The following ECHDC2 variants were observed in gnomAD, a reference collection of about 807,000 sequenced individuals.
ECHDC2 encodes enoyl-CoA hydratase domain containing 2.
A neutral mutation model predicts 40.6 loss-of-function variants in ECHDC2; 34 were observed. That is an observed-to-expected ratio of 0.84 (90% confidence interval 0.64 to 1.11). The LOEUF (loss-of-function observed/expected upper bound fraction) is 1.11, where lower values mean the gene tolerates loss of function less well. ECHDC2 is among the 50% of genes most tolerant of loss of function. The probability of loss-of-function intolerance (pLI) is 0.00; values close to 1 mark genes in which losing one functional copy is unlikely to be tolerated. For missense variants in ECHDC2, 392 were observed against 400.7 expected, an observed-to-expected ratio of 0.98 and a Z score of 0.19; for synonymous variants, 162 against 166.6, an observed-to-expected ratio of 0.97 and a Z score of 0.21.
rs549979168 is a variant in ECHDC2 at position 52,917,179 on chromosome 1, G to A, written c.121+4374C>T. Among the ~76,000 whole-genome samples, 10 of 150,398 alleles carry A rather than the reference G, an allele frequency of 6.6e-5. No homozygotes were observed. The South Asian group carries it at 8.4e-4, about 13-fold the overall frequency. On this transcript the variant is annotated intron_variant, in intron 1 of 9. Coordinates refer to ENST00000371522, the MANE Select transcript of ECHDC2 (RefSeq NM_001198961.2). ...AGAGGCTGCAGTGGGCCGAGATCAC[G>A]CCACTGCACTCCGGCCTGGGCAACA... is the stretch of plus-strand genomic sequence containing the variant.
chr1:52,906,230 T>C (rs867938262), intron 5 of ECHDC2: 19 of 461,892 alleles, frequency 4.1e-5, no homozygotes, highest in Middle Eastern at 1.2e-3. Context: ...GACTGGACAT[T>C]GCTCTTTGAC....
chr1:52,911,826 G>A lies in ECHDC2; in HGVS notation c.122-36C>T, dbSNP rs200923624. ...TCAGGGCAGCCACGGGAAAGCAGCT[G>A]GCTCTGCCTAATCCTGGGCTGCGGG... On this transcript the variant is annotated intron_variant, in intron 1 of 9. Transcript: ENST00000371522. 4.3e-6 allele frequency: 7 copies of A among 1,612,166 alleles called. No individual in the cohort carries two copies. In the African/African-American group the frequency reaches 6.7e-5, roughly 15 times the overall value.
chr1:52,911,601 A>G lies in ECHDC2; in HGVS notation c.242T>C (p.Leu81Pro), dbSNP rs1339805522. 1 of 1,614,006 alleles carries G rather than the reference A, an allele frequency of 6.2e-7. No homozygotes were observed. The highest frequency in any genetic ancestry group is 1.7e-5 in the Admixed American group (1 of 60,008). ...LREDRQVRVL[L>P]FRSGVKGVFC... ...CACGCCCTTCACTCCACTTCTGAAG[A>G]GCAGGACACGCACTTGCCGGTCCTC... The change falls in exon 3 of 10, where the codon CTC (leucine) becomes CCC (proline). Residue 81 changes from leucine to proline, a missense_variant. Transcript: ENST00000371522.
chr1:52,915,031 C>A (rs183976804), intron 1 of ECHDC2: 3 of 343,558 alleles, frequency 8.7e-6, no homozygotes, highest in Non-Finnish European at 1.2e-5. Flanking sequence ...ACCATAAGGC[C>A]CCCCCAATCT....
Position 52,921,622 on chromosome 1 carries a change from C to G in ECHDC2, c.52G>C (p.Gly18Arg). 2 of 1,597,106 alleles carry G rather than the reference C, an allele frequency of 1.3e-6. No homozygotes were observed. Among genetic ancestry groups the G allele is most frequent in the Non-Finnish European group, 1.7e-6 (2 of 1,172,708 alleles). ...CCGGCCGCCCCGTCGGAAGCGCAGC[C>G]GCGGGCCCGAAGGGGCCTCCAGGGG... is the stretch of plus-strand genomic sequence containing the variant. ...LRPWRPLRAR[G>R]CASDGAAGGS... The change falls in exon 1 of 10, where the codon GGC becomes CGC. Residue 18 changes from glycine to arginine, a missense_variant. Coordinates refer to ENST00000371522, the MANE Select transcript of ECHDC2 (RefSeq NM_001198961.2).
intron 7 of ECHDC2, among the ~76,000 whole-genome samples, chr1:52,903,544 GT>G (rs1647129876): frequency 6.6e-6 from 1 of 151,880 alleles, no homozygotes; most frequent in Admixed American, 6.6e-5. Context: ...GAATTCATGG[GT>G]TCAAGCAATG....
chr1:52,904,516 A>T, intron 7 of ECHDC2, 130 bp downstream of exon 7: 2 of 834,964 alleles, frequency 2.4e-6, no homozygotes, highest in Non-Finnish European at 3.5e-6. Flanking sequence ...CTGGATGGTT[A>T]AACAAACTCC....
intron 1 of ECHDC2, among the ~76,000 whole-genome samples, chr1:52,918,353 C>T (rs1373473195): frequency 1.4e-5 from 2 of 140,734 alleles, no homozygotes; most frequent in African/African-American, 5.8e-5. Context: ...TGTACTCCTA[C>T]TTATTAAAAA....
rs1366479899 is a variant in ECHDC2, at chr1:52,921,723, G to A, written c.-50C>T. ...TGCTTCTCCGGCCCTGCACCGTCTC[G>A]GCTCCCGCTGAGAGCTCGCAGTTCC... On this transcript the variant is annotated 5_prime_UTR_variant, in exon 1 of 10. Coordinates refer to ENST00000371522, the MANE Select transcript of ECHDC2 (RefSeq NM_001198961.2). 3 of 1,429,890 alleles carry A rather than the reference G, an allele frequency of 2.1e-6. No homozygotes were observed. Among genetic ancestry groups the A allele is most frequent in the Non-Finnish European group, 2.7e-6 (3 of 1,094,726 alleles). 88.6% of individuals were successfully genotyped at this position (1,429,890 alleles called of 1,614,324 possible). A position where few individuals can be genotyped will look rare whatever the true frequency, so the allele number is the denominator to read the frequency against.
At chr1:52,915,081 T>G (rs1650385104) in intron 1 of ECHDC2, 1 of 376,878 alleles carries the variant, frequency 2.7e-6, no homozygotes, top group Non-Finnish European at 5.3e-6. Context: ...ACCCCCGCCA[T>G]CTAGTCAGGG....
At position 52,914,960 on chromosome 1, in the gene ECHDC2, G is replaced by A. The variant is rs1019141826; in HGVS notation, c.122-3170C>T. ...ACAGTCATCTTTCTTACCCCAATCCGACCACGTCCCTCCCCTTCCCCCTTC... is the reference window on the plus strand; with the variant it reads ...ACAGTCATCTTTCTTACCCCAATCCAACCACGTCCCTCCCCTTCCCCCTTC... On this transcript the variant is annotated intron_variant, in intron 1 of 9. Transcript: ENST00000371522. This position sits in a 1 kb window ranked among gnomAD's most constrained non-coding sequence, Gnocchi z 4.0. 8.6e-5 allele frequency among the ~76,000 whole-genome samples: 13 copies of A among 151,874 alleles called. No homozygotes were observed. Among genetic ancestry groups the A allele is most frequent in the African/African-American group, 1.7e-4 (7 of 41,402 alleles).
chr1:52,917,255 A>G (rs1650915855), intron 1 of ECHDC2, among the ~76,000 whole-genome samples: 1 of 151,738 alleles, frequency 6.6e-6, no homozygotes, highest in African/African-American at 2.4e-5. Flanking sequence ...ACTGAAGGGT[A>G]GTGTGGAGAA....
chr1:52,913,839 CATA>C, intron 1 of ECHDC2: 1 of 834,390 alleles, frequency 1.2e-6, no homozygotes, highest in Non-Finnish European at 1.5e-6. Context: ...TACACAGATG[CATA>C]ATGACACGTA....
At chr1:52,908,929 CAAAAAA>C (rs34090739) in intron 3 of ECHDC2, among the ~76,000 whole-genome samples, 3 of 43,852 alleles carry the variant, frequency 6.8e-5, no homozygotes, top group Non-Finnish European at 1.0e-4. Context: ...GACAGAGTCT[CAAAAAA>C]AAAAAAAAAA....
chr1:52,912,060 C>T (rs1445084022), intron 1 of ECHDC2: 2 of 1,382,622 alleles, frequency 1.4e-6, no homozygotes, highest in East Asian at 2.8e-5. Context: ...CAGTGACTAC[C>T]ACAGTAGCCC....
rs767452767 is a variant in ECHDC2, at chr1:52,914,886, C to G, written c.122-3096G>C. 6.6e-6 allele frequency among the ~76,000 whole-genome samples: 1 copy of G among 152,182 alleles called. No individual in the cohort carries two copies. The highest frequency in any genetic ancestry group is 6.5e-5 in the Admixed American group (1 of 15,288). ...ATCACCCACCTGGCCCTCGAGTCCT[C>G]AGTCTTGCTCCCTCCCAGCACACAC... On this transcript the variant is annotated intron_variant, in intron 1 of 9. Transcript: ENST00000371522. This position sits in a 1 kb window ranked among gnomAD's most constrained non-coding sequence, Gnocchi z 4.0.
At chr1:52,906,328 C>T (rs970996629) in intron 5 of ECHDC2, 191 bp downstream of exon 5, 21 of 684,688 alleles carry the variant, frequency 3.1e-5, no homozygotes, top group African/African-American at 2.8e-4. Flanking sequence ...ACAGATACTA[C>T]AGCAGCTAAT....
chr1:52,907,902 A>G lies in ECHDC2; in HGVS notation c.330T>C (p.Phe110=). Residue 110 remains phenylalanine, a synonymous_variant, in exon 4 of 10, where the codon TTT becomes TTC. Coordinates refer to ENST00000371522, the MANE Select transcript of ECHDC2 (RefSeq NM_001198961.2). ...TCATCAGGCCCCGGAGTCGCTGGAC[A>G]AACACCCCCACCTCTGCTTCACTCA... is the stretch of plus-strand genomic sequence containing the variant. ...EQMSEAEVGV[F]VQRLRGLMND... The G allele has an allele frequency of 1.2e-6, 2 of 1,613,602 alleles. No individual in the cohort carries two copies. The highest frequency in any genetic ancestry group is 1.3e-5 in the African/African-American group (1 of 74,930).
chr1:52,910,544 T>G (rs1649211508), intron 3 of ECHDC2, among the ~76,000 whole-genome samples: 3 of 151,766 alleles, frequency 2.0e-5, no homozygotes, highest in Admixed American at 2.0e-4. Context: ...AATTTTTGTA[T>G]TTTTAGTAGA....
Sources: gnomAD v4.1 joint callset for allele counts (sites outside exome capture counted in the v4.1 genomes callset) on GRCh38, gnomAD v4.1.1 for gene constraint, Gnocchi (gnomAD v3.1) non-coding constraint, MANE v1.5 for transcripts, NCBI Gene and HGNC (gene_info 2026-07-23, HGNC 2026-07-21) for gene names.